The following EBF1 variants were observed in gnomAD, a reference collection of about 807,000 sequenced individuals.
EBF1 encodes the protein transcription factor COE1.
In EBF1, 10 loss-of-function variants were observed where a neutral mutation model predicts 68.4. The ratio of observed to expected loss-of-function variants is 0.15; its 90% CI spans 0.09 to 0.25. The LOEUF is 0.25. Among genes scored for constraint, EBF1 ranks in the 10% least tolerant of loss-of-function variants. The probability of loss-of-function intolerance (pLI) is 1.00; values close to 1 mark genes in which losing one functional copy is unlikely to be tolerated. For missense variants in EBF1, 509 were observed against 794.4 expected, an observed-to-expected ratio of 0.64 and a Z score of 4.32; for synonymous variants, 298 against 299.8, an observed-to-expected ratio of 0.99 and a Z score of 0.06.
intron 10 of EBF1, among the ~76,000 whole-genome samples, chr5:158,766,674 C>T (rs1033626908): frequency 1.3e-5 from 2 of 151,972 alleles, no homozygotes; most frequent in East Asian, 3.9e-4. Flanking sequence ...TATGGCTGTC[C>T]AATGATAGAG....
intron 15 of EBF1, 37 bp downstream of exon 15, chr5:158,707,942 A>G: frequency 1.3e-6 from 2 of 1,540,494 alleles, no homozygotes; most frequent in Non-Finnish European, 1.8e-6. Context: ...AAGTCAGGGC[A>G]TTGAATCTGG....
chr5:159,027,279 T>A (rs1767887313), intron 6 of EBF1, among the ~76,000 whole-genome samples: 1 of 152,194 alleles, frequency 6.6e-6, no homozygotes. Flanking sequence ...TTCCTCCTCC[T>A]ATTAATCTAT....
intron 8 of EBF1, among the ~76,000 whole-genome samples, chr5:158,801,159 A>G (rs1780508911): frequency 6.6e-6 from 1 of 151,958 alleles, no homozygotes. Context: ...TGATTACCCT[A>G]CCACAGTTTA....
intron 1 of EBF1, 36 bp downstream of exon 1, chr5:159,099,309 G>C (rs745572952): frequency 6.8e-7 from 1 of 1,462,918 alleles, no homozygotes; most frequent in Admixed American, 2.3e-5. Context: ...TCCCGCTCGC[G>C]GCTCACCTCG....
intron 10 of EBF1, among the ~76,000 whole-genome samples, chr5:158,735,490 C>G (rs1176048930): frequency 6.6e-6 from 1 of 152,086 alleles, no homozygotes; most frequent in East Asian, 1.9e-4. Flanking sequence ...CTGAAACGTT[C>G]CTGTAAATGC....
intron 6 of EBF1, among the ~76,000 whole-genome samples, chr5:158,890,061 T>A (rs1800864643): frequency 6.6e-6 from 1 of 152,148 alleles, no homozygotes; most frequent in African/African-American, 2.4e-5. Flanking sequence ...GCATGCTGGA[T>A]CCAATCCCCC....
intron 10 of EBF1, among the ~76,000 whole-genome samples, chr5:158,752,512 G>C (rs138104581): frequency 6.6e-6 from 1 of 151,980 alleles, no homozygotes; most frequent in African/African-American, 2.4e-5. Flanking sequence ...CCAGTAGAGC[G>C]TGACAAGAGA....
intron 6 of EBF1, among the ~76,000 whole-genome samples, chr5:159,044,190 T>C (rs1771848891): frequency 6.6e-6 from 1 of 152,242 alleles, no homozygotes; most frequent in Non-Finnish European, 1.5e-5. Flanking sequence ...CTACATAGAA[T>C]ACCCACTAAT....
chr5:158,853,038 C>T (rs953226205), intron 6 of EBF1, among the ~76,000 whole-genome samples: 3 of 152,120 alleles, frequency 2.0e-5, no homozygotes, highest in South Asian at 2.1e-4. Flanking sequence ...ACATGGCATC[C>T]GTGATCACCC....
At chr5:158,919,471 C>G (rs192580650) in intron 6 of EBF1, among the ~76,000 whole-genome samples, 25 of 152,214 alleles carry the variant, frequency 1.6e-4, no homozygotes, top group Admixed American at 1.2e-3. Context: ...TGGAAAACAA[C>G]AGAGAAACAT....
chr5:158,969,129 C>T (rs545449098), intron 6 of EBF1, among the ~76,000 whole-genome samples: 365 of 152,112 alleles, frequency 2.4e-3, no homozygotes, highest in African/African-American at 8.2e-3. Context: ...TGGTAAAACC[C>T]CATCTCTACT....
At chr5:158,857,051 G>A (rs1334095139) in intron 6 of EBF1, among the ~76,000 whole-genome samples, 1 of 152,056 alleles carries the variant, frequency 6.6e-6, no homozygotes, top group Non-Finnish European at 1.5e-5. Context: ...TTGTGATCTG[G>A]AACAAAACTA....
At chr5:158,924,107 C>A (rs532270887) in intron 6 of EBF1, among the ~76,000 whole-genome samples, 20 of 152,342 alleles carry the variant, frequency 1.3e-4, no homozygotes, top group African/African-American at 4.1e-4. Flanking sequence ...TATCCCCTAG[C>A]ATTCCACTCC....
At chr5:158,737,926 C>T (rs1488371380) in intron 10 of EBF1, among the ~76,000 whole-genome samples, 1 of 152,016 alleles carries the variant, frequency 6.6e-6, no homozygotes, top group East Asian at 1.9e-4. Context: ...GAAGTAAAAG[C>T]CATCAAGAAG....
chr5:158,849,116 A>G (rs188438988), intron 6 of EBF1, among the ~76,000 whole-genome samples: 3 of 152,228 alleles, frequency 2.0e-5, no homozygotes, highest in African/African-American at 2.4e-5. Context: ...TTTACATTCA[A>G]ATTCCCAGGA....
chr5:158,927,134 T>TCTTTGTCATTA (rs1358162540), intron 6 of EBF1, among the ~76,000 whole-genome samples: 2 of 152,258 alleles, frequency 1.3e-5, no homozygotes, highest in East Asian at 3.8e-4. Flanking sequence ...ACAAATTACT[T>TCTTTGTCATTA]CTTTGATGTT....
At chr5:158,754,224 T>A (rs936086601) in intron 10 of EBF1, among the ~76,000 whole-genome samples, 2 of 152,070 alleles carry the variant, frequency 1.3e-5, no homozygotes, top group Non-Finnish European at 2.9e-5. Flanking sequence ...GCTTCACAAT[T>A]AACAAGAGAT....
Position 158,698,745 on chromosome 5 carries a change from C to A in EBF1, c.*366G>T. On this transcript the variant is annotated 3_prime_UTR_variant, in exon 16 of 16. Coordinates refer to ENST00000313708, the MANE Select transcript of EBF1 (RefSeq NM_024007.5). ...GCTTTAAAAACATCATAAATTAAAA[C>A]ATGGAGTCTTATTTATAGTGTCCCT... The A allele has an allele frequency of 5.0e-6, 1 of 198,452 alleles. No individual in the cohort carries two copies. The allele number at this position is 198,452 out of a possible 1,614,324, so 12.3% of individuals were successfully genotyped here.
chr5:158,855,841 C>A (rs1187702708), intron 6 of EBF1, among the ~76,000 whole-genome samples: 1 of 152,194 alleles, frequency 6.6e-6, no homozygotes, highest in Admixed American at 6.5e-5. Flanking sequence ...CCTGCCCCAG[C>A]AATACTTAAG....
Sources: gnomAD v4.1 joint callset for allele counts (sites outside exome capture counted in the v4.1 genomes callset) on GRCh38, gnomAD v4.1.1 for gene constraint, MANE v1.5 for transcripts, NCBI Gene and HGNC (gene_info 2026-07-23, HGNC 2026-07-21) for gene names.